The following TMEM165 variants were observed in gnomAD, a reference collection of about 807,000 sequenced individuals.
TMEM165 encodes transmembrane protein 165.
Under a neutral mutation model 30.0 loss-of-function variants are expected in TMEM165, and 19 were observed. The ratio of observed to expected loss-of-function variants is 0.63; its 90% CI spans 0.44 to 0.93. The LOEUF (loss-of-function observed/expected upper bound fraction) is 0.93. Ranked by LOEUF, TMEM165 falls within the 40% of genes least tolerant of loss-of-function variation. TMEM165 has a pLI of 0.00. For synonymous variants in TMEM165, 168 were observed against 162.9 expected, an observed-to-expected ratio of 1.03 and a Z score of -0.24; for missense variants, 340 against 417.0, an observed-to-expected ratio of 0.82 and a Z score of 1.61.
intron 1 of TMEM165, among the ~76,000 whole-genome samples, chr4:55,406,571 CTTA>C (rs1414353701): frequency 6.6e-6 from 1 of 152,174 alleles, no homozygotes; most frequent in Non-Finnish European, 1.5e-5. Context: ...ATAGAACATT[CTTA>C]TTATTCTTTT....
chr4:55,451,439 T>G (rs758583705), intron 3 of TMEM165, among the ~76,000 whole-genome samples: 1 of 152,176 alleles, frequency 6.6e-6, no homozygotes, highest in Non-Finnish European at 1.5e-5. Context: ...CTCTTAATAT[T>G]GGAGTGCTCC....
At chr4:55,411,949 C>T in intron 2 of TMEM165, 110 bp downstream of exon 2, 1 of 1,046,606 alleles carries the variant, frequency 9.6e-7, no homozygotes, top group South Asian at 1.4e-5. Flanking sequence ...TGGCTTACAC[C>T]TTATTTGTGG....
intron 3 of TMEM165, chr4:55,443,984 G>T: frequency 8.2e-7 from 1 of 1,222,924 alleles, no homozygotes; most frequent in Non-Finnish European, 1.2e-6. Flanking sequence ...AAGCTACAAA[G>T]TATGTTTAAA....
intron 3 of TMEM165, among the ~76,000 whole-genome samples, chr4:55,439,227 A>C (rs1428510579): frequency 6.6e-6 from 1 of 152,238 alleles, no homozygotes; most frequent in Non-Finnish European, 1.5e-5. Flanking sequence ...TTCTCCAAAG[A>C]AGATACACAA....
chr4:55,413,655 A>G (rs1721604175), intron 2 of TMEM165, among the ~76,000 whole-genome samples: 1 of 152,372 alleles, frequency 6.6e-6, no homozygotes, highest in South Asian at 2.1e-4. Context: ...TTTTATAGAA[A>G]TAATTTTAAG....
chr4:55,408,922 C>T (rs1048039795), intron 1 of TMEM165, among the ~76,000 whole-genome samples: 3 of 142,800 alleles, frequency 2.1e-5, no homozygotes, highest in Non-Finnish European at 4.5e-5. Flanking sequence ...TTGAAATGCC[C>T]TTTTTTTTTT....
At chr4:55,398,042 G>A (rs960250745) in intron 1 of TMEM165, among the ~76,000 whole-genome samples, 2 of 152,114 alleles carry the variant, frequency 1.3e-5, no homozygotes, top group Non-Finnish European at 2.9e-5. Flanking sequence ...TTGTTTTCGT[G>A]TTTCATGTTT....
At chr4:55,450,062 G>A (rs1204071225) in intron 3 of TMEM165, 1 of 1,613,622 alleles carries the variant, frequency 6.2e-7, no homozygotes, top group Non-Finnish European at 8.5e-7. Flanking sequence ...TACTTTAAAG[G>A]AAGTCTGCTT....
At chr4:55,451,198 C>T (rs1724417434) in intron 3 of TMEM165, among the ~76,000 whole-genome samples, 1 of 152,102 alleles carries the variant, frequency 6.6e-6, no homozygotes, top group Non-Finnish European at 1.5e-5. Flanking sequence ...ATGCTTTCAC[C>T]CACACTGCTA....
chr4:55,397,971 G>T, intron 1 of TMEM165, among the ~76,000 whole-genome samples: 1 of 151,726 alleles, frequency 6.6e-6, no homozygotes. Context: ...TCAAACTCCT[G>T]GGCTCAAGCG....
chr4:55,435,477 G>C, intron 3 of TMEM165: 1 of 1,614,068 alleles, frequency 6.2e-7, no homozygotes, highest in Non-Finnish European at 8.5e-7. Context: ...CTGAGTTGCT[G>C]CTGTTGCTGA....
intron 2 of TMEM165, among the ~76,000 whole-genome samples, chr4:55,416,508 TTAATA>T (rs1220674180): frequency 6.6e-6 from 1 of 152,230 alleles, no homozygotes; most frequent in Non-Finnish European, 1.5e-5. Context: ...TAACATTATT[TTAATA>T]TAATAAGAAA....
chr4:55,399,005 T>C (rs1720845986), intron 1 of TMEM165: 1 of 152,218 alleles, frequency 6.6e-6, no homozygotes, highest in Non-Finnish European at 1.5e-5. Flanking sequence ...AATGTGATTT[T>C]GTAACCATTA....
Position 55,406,955 on chromosome 4 carries a change from C to T in TMEM165, c.208-4659C>T, listed in dbSNP as rs539813263. Among the ~76,000 whole-genome samples, 21 of 152,332 alleles carry T rather than the reference C, an allele frequency of 1.4e-4. No individual in the cohort carries two copies. The South Asian group carries it at 1.7e-3, about 12-fold the overall frequency. On this transcript the variant is annotated intron_variant, in intron 1 of 5. Coordinates refer to ENST00000381334, the MANE Select transcript of TMEM165 (RefSeq NM_018475.5). ...ACAGGCATGAGCCACTGAGCCCAGC[C>T]GACATTTAGTTATTTTGTCTCTTTA...
chr4:55,431,272 C>T (rs560010915), intron 3 of TMEM165: 1 of 152,244 alleles, frequency 6.6e-6, no homozygotes, highest in East Asian at 1.9e-4. Flanking sequence ...GCACATTACC[C>T]ATGCGGATGA....
intron 1 of TMEM165, among the ~76,000 whole-genome samples, chr4:55,403,865 C>T (rs1721155249): frequency 6.6e-6 from 1 of 152,090 alleles, no homozygotes; most frequent in African/African-American, 2.4e-5. Context: ...TGTCCACGTT[C>T]CTATTCTCCT....
At chr4:55,446,440 C>T (rs533874968) in intron 3 of TMEM165, among the ~76,000 whole-genome samples, 1 of 152,250 alleles carries the variant, frequency 6.6e-6, no homozygotes, top group East Asian at 1.9e-4. Flanking sequence ...CAATTTCTGT[C>T]ATCCCTAGAA....
chr4:55,432,940 T>A (rs1432745424), intron 3 of TMEM165: 1 of 152,658 alleles, frequency 6.6e-6, no homozygotes, highest in Non-Finnish European at 1.5e-5. Context: ...GCTTGTCTTA[T>A]GCTTTGTTGC....
intron 4 of TMEM165, among the ~76,000 whole-genome samples, chr4:55,422,693 G>C (rs1012852252): frequency 1.3e-5 from 2 of 152,036 alleles, no homozygotes; most frequent in African/African-American, 4.8e-5. Context: ...CTGTCACCCA[G>C]GGTGGAGTGC....
Sources: allele counts gnomAD v4.1 joint callset (sites outside exome capture counted in the v4.1 genomes callset), GRCh38; gene constraint gnomAD v4.1.1; transcripts MANE v1.5; gene names NCBI Gene and HGNC (gene_info 2026-07-23, HGNC 2026-07-21).